The following IMPDH1 variants were observed in gnomAD, a reference collection of about 807,000 sequenced individuals.
IMPDH1 encodes the protein inosine-5'-monophosphate dehydrogenase 1.
A neutral mutation model predicts 73.5 loss-of-function variants in IMPDH1; 41 were observed. The observed-to-expected ratio is 0.56, with a 90% confidence interval of 0.43 to 0.72. IMPDH1 has a LOEUF of 0.72. Ranked by LOEUF, IMPDH1 falls within the 30% of genes least tolerant of loss-of-function variation. The pLI is 0.00. For synonymous variants in IMPDH1, 318 were observed against 334.3 expected (o/e 0.95, Z 0.53); for missense variants, 645 against 824.8 (o/e 0.78, Z 2.67).
Position 128,400,508 on chromosome 7 carries a change from A to G in IMPDH1, c.611T>C (p.Val204Ala). The G allele has an allele frequency of 3.7e-6, 6 of 1,612,948 alleles. No individual in the cohort carries two copies. The highest frequency in any genetic ancestry group is 5.1e-6 in the Non-Finnish European group (6 of 1,179,976). ...CACAGTGTGCGAGGGGCTCAGCACC[A>G]CAGGGTCCGTGATGAAGCCCTGTTC... ...KFEQGFITDP[V>A]VLSPSHTVGD... Residue 204 changes from valine (V) to alanine (A), a missense_variant, in exon 8 of 17, where the codon GTG becomes GCG. By Grantham distance (64) the Val-to-Ala change is moderately conservative. Coordinates refer to ENST00000338791, the MANE Select transcript of IMPDH1 (RefSeq NM_000883.4).
Position 128,395,213 on chromosome 7 carries a change from G to C in IMPDH1, c.1323C>G (p.Arg441=). The part of the protein sequence containing the change: ...AVYKVAEYAR[R]FGVPIIADGG... ...CATCGGCTATGATGGGCACACCAAA[G>C]CGCCGGGCATACTCAGCCACCTTGT... Residue 441 remains arginine (R), a synonymous_variant, in exon 13 of 17, where the codon CGC becomes CGG. Transcript: ENST00000338791. 5 of 1,613,940 alleles carry C rather than the reference G, an allele frequency of 3.1e-6. No individual in the cohort carries two copies. Among genetic ancestry groups the C allele is most frequent in the African/African-American group, 1.3e-5 (1 of 75,066 alleles).
Position 128,409,895 on chromosome 7 carries a change from C to T in IMPDH1, c.7G>A (p.Gly3Arg). Residue 3 changes from glycine to arginine, a missense_variant, in exon 1 of 17, where the codon GGG becomes AGG. By Grantham distance (125) the Gly-to-Arg change is moderately radical (BLOSUM62 -2). Transcript: ENST00000338791. ...TGCAGCGGTGGTGGAGTGAGTGGCC[C>T]CTCCATGCGGAGGCCGCAGCTCAGG... Reference protein sequence around the residue: MEGPLTPPPLQGG... With the variant: MERPLTPPPLQGG... The T allele has an allele frequency of 1.4e-6, 2 of 1,431,644 alleles. No homozygotes were observed. Among genetic ancestry groups the T allele is most frequent in the South Asian group, 1.4e-5 (1 of 70,294 alleles). The allele number at this position is 1,431,644 out of a possible 1,614,324, so 88.7% of individuals were successfully genotyped here. A position where few individuals can be genotyped will look rare whatever the true frequency, so the allele number is the denominator to read the frequency against.
Position 128,396,910 on chromosome 7 carries a change from TG to T in IMPDH1, c.1165+21del. The T allele has an allele frequency of 1.3e-6, 2 of 1,544,476 alleles. No individual in the cohort carries two copies. The highest frequency in any genetic ancestry group is 1.8e-6 in the Non-Finnish European group (2 of 1,125,736). On this transcript the variant is annotated intron_variant, in intron 11 of 16. Transcript: ENST00000338791. This position sits in a 1 kb window ranked among gnomAD's most constrained non-coding sequence, Gnocchi z 4.0. ...CATTGGAGGGGCAGGAGCAGGCGGG[TG>T]GGAGGCGACCCCGCACTCACCGTTC...
Position 128,409,955 on chromosome 7 carries a change from C to G in IMPDH1, c.-54G>C, listed in dbSNP as rs1799037764. 7 of 1,313,458 alleles carry G rather than the reference C, an allele frequency of 5.3e-6. No individual in the cohort carries two copies. The highest frequency in any genetic ancestry group is 5.8e-6 in the Non-Finnish European group (6 of 1,034,870). The allele number at this position is 1,313,458 out of a possible 1,614,324, so 81.4% of individuals were successfully genotyped here. ...AGCCTGGAGGCTCCCGGGGCCCCGG[C>G]TGGGCAGTGAGCGCAGCCCGGTCGA... is the stretch of plus-strand genomic sequence containing the variant. On this transcript the variant is annotated 5_prime_UTR_variant, in exon 1 of 17. Transcript: ENST00000338791.
rs1797929083 is a variant in IMPDH1 at position 128,396,567 on chromosome 7, C to T, written c.1261+33G>A. On this transcript the variant is annotated intron_variant, in intron 12 of 16. Transcript: ENST00000338791. The surrounding 1 kb of genome is among the most constrained non-coding windows in gnomAD (Gnocchi z 4.0). ...GGGGAACAAAGGCGAGGCCCCGGGG[C>T]CAGCGGGCACTCGCTCACCTCCTGA... The T allele has an allele frequency of 6.8e-7, 1 of 1,466,760 alleles. No homozygotes were observed. Among genetic ancestry groups the T allele is most frequent in the African/African-American group, 1.4e-5 (1 of 71,514 alleles). The allele number at this position is 1,466,760 out of a possible 1,614,324, so 90.9% of individuals were successfully genotyped here.
intron 10 of IMPDH1, among the ~76,000 whole-genome samples, chr7:128,397,477 C>T (rs577624594): frequency 6.6e-5 from 10 of 152,292 alleles, no homozygotes; most frequent in African/African-American, 2.2e-4. Context: ...TCTCAGTAAA[C>T]GTGAGCTAAA....
chr7:128,396,061 G>A lies in IMPDH1; in HGVS notation c.1261+539C>T, dbSNP rs1797891425. 6.6e-6 allele frequency among the ~76,000 whole-genome samples: 1 copy of A among 152,084 alleles called. No homozygotes were observed. The highest frequency in any genetic ancestry group is 2.1e-4 in the South Asian group (1 of 4,822). On this transcript the variant is annotated intron_variant, in intron 12 of 16. Coordinates refer to ENST00000338791, the MANE Select transcript of IMPDH1 (RefSeq NM_000883.4). This position sits in a 1 kb window ranked among gnomAD's most constrained non-coding sequence, Gnocchi z 4.0. ...GCCAAGTGAGGACCCAAGTCTTCCA[G>A]GCAGCCACCCCACAAGTCAGATACC...
intron 4 of IMPDH1, among the ~76,000 whole-genome samples, chr7:128,404,299 G>C (rs2116701539): frequency 6.6e-6 from 1 of 152,316 alleles, no homozygotes; most frequent in Non-Finnish European, 1.5e-5. Context: ...GGCATGTTCT[G>C]ACAGAGCAGA....
Position 128,398,203 on chromosome 7 carries a change from C to T in IMPDH1, c.1074+211G>A, listed in dbSNP as rs1415458077. 6.6e-6 allele frequency among the ~76,000 whole-genome samples: 1 copy of T among 152,134 alleles called. No individual in the cohort carries two copies. The highest frequency in any genetic ancestry group is 2.4e-5 in the African/African-American group (1 of 41,404). The stretch of plus-strand genomic sequence containing the variant: ...TCCCCAGGGCTGGAGTGCAGTGGCA[C>T]GATCCTAGCTCACTGTGACCTTGAA... On this transcript the variant is annotated intron_variant, in intron 10 of 16. Transcript: ENST00000338791. The surrounding 1 kb of genome is among the most constrained non-coding windows in gnomAD (Gnocchi z 4.3).
At chr7:128,409,629 G>A (rs1297678047) in intron 1 of IMPDH1, 127 bp downstream of exon 1, 1 of 1,508,210 alleles carries the variant, frequency 6.6e-7, no homozygotes, top group African/African-American at 1.4e-5. Context: ...AGAGGCTGAG[G>A]CGGTAATAGG....
intron 5 of IMPDH1, among the ~76,000 whole-genome samples, chr7:128,402,612 T>TCCCTCACA (rs1428611595): frequency 6.6e-6 from 1 of 152,166 alleles, no homozygotes; most frequent in Non-Finnish European, 1.5e-5. Context: ...GATGTGAACT[T>TCCCTCACA]CCCTCACATG....
intron 13 of IMPDH1, 49 bp from the exon 14 acceptor site, chr7:128,395,082 C>A (rs781538528): frequency 1.2e-6 from 2 of 1,613,944 alleles, no homozygotes; most frequent in Non-Finnish European, 1.7e-6. Context: ...TGCCACCCCC[C>A]CAGCTTCCAG....
chr7:128,401,878 G>A (rs1488551465), intron 5 of IMPDH1, among the ~76,000 whole-genome samples: 1 of 152,162 alleles, frequency 6.6e-6, no homozygotes, highest in East Asian at 1.9e-4. Flanking sequence ...CCCCTCTGAG[G>A]GTCAGGCCAA....
intron 5 of IMPDH1, among the ~76,000 whole-genome samples, chr7:128,403,493 G>A (rs1169154099): frequency 6.6e-6 from 1 of 151,576 alleles, no homozygotes; most frequent in Non-Finnish European, 1.5e-5. Context: ...GGGAGGTGGA[G>A]GCTGCAGTGA....
At chr7:128,406,223 C>A (rs1231635545) in intron 3 of IMPDH1, among the ~76,000 whole-genome samples, 1 of 149,996 alleles carries the variant, frequency 6.7e-6, no homozygotes, top group African/African-American at 2.4e-5. Context: ...CCGGGTCAGG[C>A]CGGGACACGC....
chr7:128,392,975 C>T lies in IMPDH1; in HGVS notation c.*32G>A. Reference sequence around the variant, plus strand: ...CCCAAAAGTGGACACTGGGGTGCATCCCCTCCACCACCTCGGCCTCCACCG... The same window carrying T: ...CCCAAAAGTGGACACTGGGGTGCATTCCCTCCACCACCTCGGCCTCCACCG... On this transcript the variant is annotated 3_prime_UTR_variant, in exon 17 of 17. Transcript: ENST00000338791. 6.2e-7 allele frequency: 1 copy of T among 1,611,860 alleles called. No homozygotes were observed. Among genetic ancestry groups the T allele is most frequent in the Non-Finnish European group, 8.5e-7 (1 of 1,178,112 alleles).
intron 3 of IMPDH1, among the ~76,000 whole-genome samples, chr7:128,408,722 C>A (rs988867609): frequency 6.6e-6 from 1 of 152,224 alleles, no homozygotes; most frequent in African/African-American, 2.4e-5. Flanking sequence ...AAGCCCCAAC[C>A]GGCTCATTCA....
At chr7:128,404,842 T>A (rs1478624785) in intron 4 of IMPDH1, among the ~76,000 whole-genome samples, 1 of 151,982 alleles carries the variant, frequency 6.6e-6, no homozygotes, top group Non-Finnish European at 1.5e-5. Flanking sequence ...AATGCTGGAG[T>A]CTGGGCCTCA....
chr7:128,401,694 A>G (rs1005462390), intron 5 of IMPDH1, among the ~76,000 whole-genome samples: 1 of 152,188 alleles, frequency 6.6e-6, no homozygotes, highest in Admixed American at 6.5e-5. Context: ...TCAGGCTCCA[A>G]GGTGGAGAAT....
Sources: gnomAD v4.1 joint callset for allele counts (sites outside exome capture counted in the v4.1 genomes callset) on GRCh38, gnomAD v4.1.1 for gene constraint, Gnocchi (gnomAD v3.1) non-coding constraint, MANE v1.5 for transcripts, NCBI Gene and HGNC (gene_info 2026-07-23, HGNC 2026-07-21) for gene names.